GALNT13: variants seen among roughly 807,000 people sequenced by gnomAD.
GALNT13 encodes the protein UDP-GalNAc:polypeptide N-acetylgalactosaminyltransferase 13.
Under a neutral mutation model 64.2 loss-of-function variants are expected in GALNT13, and 28 were observed. The observed-to-expected ratio is 0.44, with a 90% CI of 0.32 to 0.60. The LOEUF is 0.60. GALNT13 is among the 20% of genes least tolerant of loss of function. GALNT13 has a pLI of 0.05. For missense variants in GALNT13, 577 were observed against 669.8 expected, an observed-to-expected ratio of 0.86 and a Z score of 1.53; for synonymous variants, 214 against 224.6, an observed-to-expected ratio of 0.95 and a Z score of 0.42.
At chr2:153,734,717 T>C in the GALNT13 span, among the ~76,000 whole-genome samples, 1 of 152,194 alleles carries the variant, frequency 6.6e-6, no homozygotes, top group Admixed American at 6.6e-5. Context: ...CTCCCTAGAC[T>C]GTGACTCTAG....
chr2:153,557,033 G>T, the GALNT13 span, among the ~76,000 whole-genome samples: 1 of 151,204 alleles, frequency 6.6e-6, no homozygotes, highest in Non-Finnish European at 1.5e-5. Flanking sequence ...CCACAAATTT[G>T]ACCCCCCCTT....
chr2:153,517,937 A>G, the GALNT13 span, among the ~76,000 whole-genome samples: 1 of 152,190 alleles, frequency 6.6e-6, no homozygotes, highest in Non-Finnish European at 1.5e-5. Flanking sequence ...AACATCCCCA[A>G]TAAGAAGACA....
intron 3 of GALNT13, among the ~76,000 whole-genome samples, chr2:154,075,567 A>G (rs1700945823): frequency 6.6e-6 from 1 of 151,804 alleles, no homozygotes; most frequent in African/African-American, 2.4e-5. Context: ...TATTTTCAAC[A>G]TTTTGTTATC....
the GALNT13 span, among the ~76,000 whole-genome samples, chr2:153,630,987 T>C: frequency 1.3e-5 from 2 of 150,476 alleles, no homozygotes; most frequent in African/African-American, 4.9e-5. Context: ...CAGGCCCCGG[T>C]GTGCGATGTT....
intron 2 of GALNT13, among the ~76,000 whole-genome samples, chr2:153,926,091 C>T (rs1251540921): frequency 6.6e-6 from 1 of 151,782 alleles, no homozygotes; most frequent in Non-Finnish European, 1.5e-5. Context: ...AATTGTGGTA[C>T]ACTATTAATA....
intron 9 of GALNT13, among the ~76,000 whole-genome samples, chr2:154,369,938 C>G (rs935878551): frequency 6.6e-6 from 1 of 152,112 alleles, no homozygotes; most frequent in Non-Finnish European, 1.5e-5. Flanking sequence ...GAAAGATCAC[C>G]TTGGCTTTCA....
chr2:154,313,285 A>G (rs777114329), intron 9 of GALNT13, among the ~76,000 whole-genome samples: 27 of 148,406 alleles, frequency 1.8e-4, no homozygotes, highest in Non-Finnish European at 2.8e-4. Context: ...CTTAAGTTCT[A>G]TTCACTTTAG....
chr2:154,136,876 A>G (rs1465120287), intron 3 of GALNT13, among the ~76,000 whole-genome samples: 1 of 152,152 alleles, frequency 6.6e-6, no homozygotes. Flanking sequence ...TAAAAAAACC[A>G]CAATGTAGAT....
intron 8 of GALNT13, among the ~76,000 whole-genome samples, chr2:154,265,570 G>C (rs1395595296): frequency 6.6e-6 from 1 of 151,998 alleles, no homozygotes; most frequent in African/African-American, 2.4e-5. Flanking sequence ...GTGGTGGCGG[G>C]CACCTGTAAT....
At chr2:153,567,817 CG>C in the GALNT13 span, among the ~76,000 whole-genome samples, 2 of 152,298 alleles carry the variant, frequency 1.3e-5, no homozygotes, top group African/African-American at 4.8e-5. Context: ...CATTAATCTA[CG>C]GGAATCAGGT....
At chr2:153,973,113 T>A (rs1693848878) in intron 3 of GALNT13, among the ~76,000 whole-genome samples, 1 of 151,720 alleles carries the variant, frequency 6.6e-6, no homozygotes, top group East Asian at 1.9e-4. Flanking sequence ...TCATAGCCCC[T>A]TTTTTTTCCT....
chr2:153,979,585 A>G (rs1694316397), intron 3 of GALNT13, among the ~76,000 whole-genome samples: 1 of 152,224 alleles, frequency 6.6e-6, no homozygotes, highest in African/African-American at 2.4e-5. Flanking sequence ...GCATAAAAGG[A>G]CATTGAAGAG....
chr2:153,662,204 G>A, the GALNT13 span, among the ~76,000 whole-genome samples: 2 of 152,158 alleles, frequency 1.3e-5, no homozygotes, highest in African/African-American at 2.4e-5. Context: ...GTTGATGCAA[G>A]GGTACAAAGG....
chr2:153,907,160 G>A (rs1205256481), intron 2 of GALNT13, among the ~76,000 whole-genome samples: 1 of 151,724 alleles, frequency 6.6e-6, no homozygotes, highest in African/African-American at 2.4e-5. Context: ...TTTGTCAGAT[G>A]AGTAGGTTGC....
the GALNT13 span, among the ~76,000 whole-genome samples, chr2:153,215,392 C>T: frequency 6.6e-6 from 1 of 152,060 alleles, no homozygotes; most frequent in African/African-American, 2.4e-5. Context: ...ATTTTTATTG[C>T]CATTTTATAG....
chr2:153,170,682 C>T, the GALNT13 span, among the ~76,000 whole-genome samples: 1 of 152,162 alleles, frequency 6.6e-6, no homozygotes, highest in Admixed American at 6.5e-5. Flanking sequence ...ACATGTTGGT[C>T]ATTAGCCAAC....
At chr2:153,734,613 T>C in the GALNT13 span, among the ~76,000 whole-genome samples, 16 of 152,142 alleles carry the variant, frequency 1.1e-4, no homozygotes, top group Admixed American at 2.0e-4. Flanking sequence ...ATATTTTCGA[T>C]TGGCTGCAAA....
chr2:154,009,560 G>A (rs7571062), intron 3 of GALNT13, among the ~76,000 whole-genome samples: 47,928 of 149,012 alleles, frequency 0.32, 10,904 homozygotes, highest in East Asian at 0.83. Context: ...GCATGATCTC[G>A]GCTGACTGCA....
chr2:153,249,870 A>G, the GALNT13 span, among the ~76,000 whole-genome samples: 1 of 152,230 alleles, frequency 6.6e-6, no homozygotes, highest in African/African-American at 2.4e-5. Flanking sequence ...TTATACAAAA[A>G]TTAATTCATG....
Sources: gnomAD v4.1 joint callset for allele counts (sites outside exome capture counted in the v4.1 genomes callset) on GRCh38, gnomAD v4.1.1 for gene constraint, MANE v1.5 for transcripts, NCBI Gene and HGNC (gene_info 2026-07-23, HGNC 2026-07-21) for gene names.